The following FMN1 variants were observed in gnomAD, a reference collection of about 807,000 sequenced individuals.
FMN1 encodes the protein formin 1.
A neutral mutation model predicts 132.4 loss-of-function variants in FMN1; 110 were observed. The observed-to-expected ratio is 0.83, with a 90% CI of 0.71 to 0.97. The LOEUF (loss-of-function observed/expected upper bound fraction) is 0.97, where lower values mean the gene tolerates loss of function less well. FMN1 is among the 50% of genes least tolerant of loss of function. The pLI is 0.00. For missense variants in FMN1, 1,792 were observed against 1,705.3 expected, an observed-to-expected ratio of 1.05 and a Z score of -0.90; for synonymous variants, 722 against 651.7, an observed-to-expected ratio of 1.11 and a Z score of -1.64.
intron 7 of FMN1, among the ~76,000 whole-genome samples, chr15:33,005,597 A>C (rs1252701257): frequency 6.6e-6 from 1 of 152,194 alleles, no homozygotes; most frequent in Non-Finnish European, 1.5e-5. Context: ...AATACCTAGC[A>C]CACAGCAAGA....
At chr15:32,835,827 CTTTCACACTGTTCTTCTTTTTCTG>C in intron 17 of FMN1, among the ~76,000 whole-genome samples, 1 of 152,196 alleles carries the variant, frequency 6.6e-6, no homozygotes, top group Admixed American at 6.5e-5. Context: ...CATGCATTAT[CTTTCACACTGTTCTTCTTTTTCTG>C]TTTTTATTTT....
chr15:32,947,006 A>T (rs1013037561), intron 9 of FMN1, among the ~76,000 whole-genome samples: 16 of 152,158 alleles, frequency 1.1e-4, no homozygotes, highest in African/African-American at 3.6e-4. Context: ...CTATCTTTTT[A>T]TACTCTTCAA....
intron 7 of FMN1, among the ~76,000 whole-genome samples, chr15:32,989,577 A>C (rs28567810): frequency 0.014 from 2,127 of 152,252 alleles, 44 homozygotes; most frequent in African/African-American, 0.048. Context: ...CAAAAGAAAG[A>C]AAGCCAAGAT....
At chr15:33,172,349 T>C (rs920198793) in intron 3 of FMN1, among the ~76,000 whole-genome samples, 1 of 152,236 alleles carries the variant, frequency 6.6e-6, no homozygotes, top group Non-Finnish European at 1.5e-5. Context: ...TCAACCCACA[T>C]ACTAAATGGA....
chr15:33,116,685 T>C (rs2039938742), intron 4 of FMN1, among the ~76,000 whole-genome samples: 2 of 152,158 alleles, frequency 1.3e-5, no homozygotes, highest in Admixed American at 6.5e-5. Context: ...AAAGCAGTTG[T>C]AGAGAGGAAA....
rs142678967 is a variant in FMN1 at position 33,078,656 on chromosome 15, A to C, written c.2043+10143T>G. ...ATCCAAAAGGCAACAAAAAAAAAAA[A>C]ACAACTGGGCCATAAAAACCAGAAC... On this transcript the variant is annotated intron_variant, in intron 5 of 20. Coordinates refer to ENST00000616417, the MANE Select transcript of FMN1 (RefSeq NM_001277313.2). Among the ~76,000 whole-genome samples, 520 of 152,032 alleles carry C rather than the reference A, an allele frequency of 3.4e-3. 5 individuals carry two copies. The highest frequency in any genetic ancestry group is 0.011 in the African/African-American group (466 of 41,510).
chr15:32,899,771 A>ATAAAGTC, intron 14 of FMN1: 2 of 592,120 alleles, frequency 3.4e-6, no homozygotes, highest in South Asian at 4.1e-5. Flanking sequence ...GTAATTGAAA[A>ATAAAGTC]TAAAGTCTAA....
At chr15:32,823,545 C>T (rs983889201) in intron 17 of FMN1, among the ~76,000 whole-genome samples, 3 of 152,058 alleles carry the variant, frequency 2.0e-5, no homozygotes, top group African/African-American at 7.2e-5. Flanking sequence ...TCACAAATGC[C>T]GTTATTCCAA....
chr15:33,168,157 C>A (rs2140314462), intron 3 of FMN1, among the ~76,000 whole-genome samples: 1 of 152,232 alleles, frequency 6.6e-6, no homozygotes, highest in African/African-American at 2.4e-5. Context: ...GTTATTCAGT[C>A]ACAGAATTGG....
intron 9 of FMN1, among the ~76,000 whole-genome samples, chr15:32,936,384 C>T (rs78973701): frequency 1.8e-4 from 27 of 152,106 alleles, no homozygotes; most frequent in Admixed American, 1.8e-3. Flanking sequence ...CAGCTAGTGT[C>T]TCTGGGGGAT....
intron 17 of FMN1, among the ~76,000 whole-genome samples, chr15:32,827,626 G>T (rs1212808134): frequency 6.6e-6 from 1 of 152,060 alleles, no homozygotes; most frequent in Non-Finnish European, 1.5e-5. Context: ...CGAGACAGGT[G>T]GATCATCAGG....
chr15:32,948,532 T>C (rs1315458103), intron 9 of FMN1, among the ~76,000 whole-genome samples: 1 of 152,088 alleles, frequency 6.6e-6, no homozygotes, highest in Non-Finnish European at 1.5e-5. Flanking sequence ...GTGACGATTT[T>C]AAACTACTAA....
intron 4 of FMN1, among the ~76,000 whole-genome samples, chr15:33,097,351 A>G (rs570369315): frequency 5.3e-4 from 80 of 152,156 alleles, no homozygotes; most frequent in Admixed American, 1.3e-3. Flanking sequence ...AAAGGAGCAG[A>G]AAAATACTTA....
chr15:32,921,082 A>G (rs1158525425), intron 10 of FMN1, among the ~76,000 whole-genome samples: 3 of 152,330 alleles, frequency 2.0e-5, no homozygotes, highest in Non-Finnish European at 2.9e-5. Flanking sequence ...AAATAAAAAC[A>G]TAAGTAGATG....
At chr15:33,048,687 G>GA (rs1448217565) in intron 6 of FMN1, among the ~76,000 whole-genome samples, 3 of 124,026 alleles carry the variant, frequency 2.4e-5, no homozygotes, top group Non-Finnish European at 5.1e-5. Flanking sequence ...ACATGGCTGA[G>GA]AAGGCCTCAC....
At chr15:33,074,014 AG>A (rs1214582196) in intron 5 of FMN1, among the ~76,000 whole-genome samples, 1 of 152,176 alleles carries the variant, frequency 6.6e-6, no homozygotes, top group Non-Finnish European at 1.5e-5. Context: ...TACAGGCATG[AG>A]CCACTGCCTC....
chr15:32,964,091 C>T lies in FMN1; in HGVS notation c.3138+16G>A, dbSNP rs772737812. On this transcript the variant is annotated intron_variant, in intron 9 of 20. Coordinates refer to ENST00000616417, the MANE Select transcript of FMN1 (RefSeq NM_001277313.2). ...GTATAATATATAATTACAGCTTTGCCATAATCACTCAGTACCTTTTTGACC... is the reference window on the plus strand; with the variant it reads ...GTATAATATATAATTACAGCTTTGCTATAATCACTCAGTACCTTTTTGACC... 7 of 1,592,630 alleles carry T rather than the reference C, an allele frequency of 4.4e-6. No homozygotes were observed. Among genetic ancestry groups the T allele is most frequent in the African/African-American group, 1.4e-5 (1 of 73,806 alleles).
chr15:32,900,687 CT>C (rs966945199), intron 13 of FMN1, among the ~76,000 whole-genome samples: 1 of 152,198 alleles, frequency 6.6e-6, no homozygotes, highest in African/African-American at 2.4e-5. Context: ...TTATTAAGTG[CT>C]TGTTGTATTG....
intron 12 of FMN1, among the ~76,000 whole-genome samples, chr15:32,902,488 TAA>T (rs5811717): frequency 6.6e-6 from 1 of 151,848 alleles, no homozygotes; most frequent in Non-Finnish European, 1.5e-5. Context: ...ACAAGTGATT[TAA>T]AAAAAAATCT....
Sources: allele counts gnomAD v4.1 joint callset (sites outside exome capture counted in the v4.1 genomes callset), GRCh38; gene constraint gnomAD v4.1.1; transcripts MANE v1.5; gene names NCBI Gene and HGNC (gene_info 2026-07-23, HGNC 2026-07-21).